ZNF710: variants seen among roughly 807,000 people sequenced by gnomAD.
The protein encoded by ZNF710 is zinc finger protein 710.
In ZNF710, 13 loss-of-function variants were observed where a neutral mutation model predicts 50.6. The ratio of observed to expected loss-of-function variants is 0.26; its 90% CI spans 0.17 to 0.41. The LOEUF is 0.41. Among genes scored for constraint, ZNF710 ranks in the 10% least tolerant of loss-of-function variants. ZNF710 has a pLI of 1.00. For missense variants in ZNF710, 721 were observed against 936.6 expected (o/e 0.77, Z 3.01); for synonymous variants, 383 against 397.0 (o/e 0.96, Z 0.42).
chr15:90,062,132 A>G lies in ZNF710; in HGVS notation c.-28-4978A>G, dbSNP rs1596050528. ...CTCCCGCCTTTGTTTCTTGGCCTCC[A>G]CAGCCTCATTCTCTCTCCCTCCCCC... On this transcript the variant is annotated intron_variant, in intron 1 of 4. Transcript: ENST00000268154. The surrounding 1 kb of genome is among the most constrained non-coding windows in gnomAD (Gnocchi z 5.6). Among the ~76,000 whole-genome samples the G allele has an allele frequency of 9.4e-6, 1 of 106,380 alleles. No individual in the cohort carries two copies. The allele number at this position is 106,380 out of a possible 152,430, so 69.8% of individuals were successfully genotyped here. A position where few individuals can be genotyped will look rare whatever the true frequency, so the allele number is the denominator to read the frequency against.
upstream of ZNF710, among the ~76,000 whole-genome samples, chr15:90,000,067 A>C (rs1897977394): frequency 6.6e-6 from 1 of 150,756 alleles, no homozygotes; most frequent in South Asian, 2.1e-4. Context: ...CCCTGGCTGC[A>C]GCCCCAGTCC....
At chr15:90,073,297 C>T (rs772065088) in intron 3 of ZNF710, 35 bp downstream of exon 3, 10 of 1,595,628 alleles carry the variant, frequency 6.3e-6, no homozygotes, top group Non-Finnish European at 8.6e-6. Flanking sequence ...CTGGGACCTC[C>T]CCGAGGGTGG....
At chr15:90,043,290 G>T (rs900495951) in intron 1 of ZNF710, among the ~76,000 whole-genome samples, 7 of 152,214 alleles carry the variant, frequency 4.6e-5, no homozygotes, top group Admixed American at 3.3e-4. Flanking sequence ...GGAGACCTGC[G>T]GGCACCCAGG....
upstream of ZNF710, among the ~76,000 whole-genome samples, chr15:89,999,690 G>A (rs929182348): frequency 6.6e-6 from 1 of 152,014 alleles, no homozygotes; most frequent in African/African-American, 2.4e-5. Flanking sequence ...GTGGCCTTGG[G>A]GCTCTCGTTT....
At chr15:90,031,303 A>G (rs977485959) in intron 1 of ZNF710, among the ~76,000 whole-genome samples, 8 of 152,208 alleles carry the variant, frequency 5.3e-5, no homozygotes, top group African/African-American at 1.9e-4. Flanking sequence ...CGGGATTGAA[A>G]TGTACCCTGG....
At position 90,059,278 on chromosome 15, in the gene ZNF710, G is replaced by A. The variant is rs76943493; in HGVS notation, c.-28-7832G>A. Among the ~76,000 whole-genome samples the A allele has an allele frequency of 0.011, 1,749 of 152,312 alleles. 33 individuals carry two copies. The highest frequency in any genetic ancestry group is 0.039 in the African/African-American group (1,639 of 41,554). On this transcript the variant is annotated intron_variant, in intron 1 of 4. Coordinates refer to ENST00000268154, the MANE Select transcript of ZNF710 (RefSeq NM_198526.4). This position sits in a 1 kb window ranked among gnomAD's most constrained non-coding sequence, Gnocchi z 4.1. The stretch of plus-strand genomic sequence containing the variant: ...GAGTTGGGGGCAGAGGGGCAGTGGA[G>A]CCTGCCTGGGAGCCATCTTGGGCAG...
chr15:90,032,921 A>C (rs1898992208), intron 1 of ZNF710, among the ~76,000 whole-genome samples: 1 of 152,144 alleles, frequency 6.6e-6, no homozygotes, highest in African/African-American at 2.4e-5. Flanking sequence ...AAAGAAAAAA[A>C]AAGTGTGTGT....
At chr15:90,038,814 G>T (rs114577732) in intron 1 of ZNF710, among the ~76,000 whole-genome samples, 15 of 151,638 alleles carry the variant, frequency 9.9e-5, no homozygotes, top group African/African-American at 3.6e-4. Flanking sequence ...AATATGTTCA[G>T]GTTAAGTTTG....
chr15:90,061,439 T>C (rs1460813189), intron 1 of ZNF710, among the ~76,000 whole-genome samples: 2 of 152,036 alleles, frequency 1.3e-5, no homozygotes, highest in African/African-American at 2.4e-5. Flanking sequence ...CCCAAAGTGC[T>C]GAGATTACTG....
intron 1 of ZNF710, among the ~76,000 whole-genome samples, chr15:90,057,724 A>AATAATAATT (rs1050893653): frequency 6.8e-4 from 102 of 148,964 alleles, no homozygotes; most frequent in African/African-American, 2.4e-3. Context: ...TAATAATAAT[A>AATAATAATT]ATTTGGAGAA....
At chr15:90,069,830 G>A (rs955347557) in intron 2 of ZNF710, among the ~76,000 whole-genome samples, 1 of 151,826 alleles carries the variant, frequency 6.6e-6, no homozygotes, top group Non-Finnish European at 1.5e-5. Flanking sequence ...TCCATTCCCC[G>A]CCTTCAGCCA....
intron 1 of ZNF710, among the ~76,000 whole-genome samples, chr15:90,032,913 A>AG (rs1481435049): frequency 6.6e-6 from 1 of 152,162 alleles, no homozygotes; most frequent in Non-Finnish European, 1.5e-5. Context: ...TTCTAAAAAA[A>AG]GAAAAAAAAA....
chr15:90,062,983 A>G lies in ZNF710; in HGVS notation c.-28-4127A>G, dbSNP rs185367187. On this transcript the variant is annotated intron_variant, in intron 1 of 4. Coordinates refer to ENST00000268154, the MANE Select transcript of ZNF710 (RefSeq NM_198526.4). This position sits in a 1 kb window ranked among gnomAD's most constrained non-coding sequence, Gnocchi z 5.6. Reference sequence around the variant, plus strand: ...AGCCAAGTCTCCAGGCCAGTGTAAAAGAAAGCGTGGGGCCAACTGCCCAGG... The same window carrying G: ...AGCCAAGTCTCCAGGCCAGTGTAAAGGAAAGCGTGGGGCCAACTGCCCAGG... Among the ~76,000 whole-genome samples the G allele has an allele frequency of 5.6e-3, 849 of 152,274 alleles. 7 individuals are homozygous for G. The highest frequency in any genetic ancestry group is 0.019 in the African/African-American group (779 of 41,562).
intron 1 of ZNF710, among the ~76,000 whole-genome samples, chr15:90,003,836 C>T (rs1898074789): frequency 6.6e-6 from 1 of 152,142 alleles, no homozygotes; most frequent in South Asian, 2.1e-4. Flanking sequence ...CAGAGAGGTG[C>T]CCACCTGGTG....
chr15:90,074,964 C>T (rs1596065493), intron 4 of ZNF710: 1 of 171,992 alleles, frequency 5.8e-6, no homozygotes, highest in South Asian at 1.3e-4. Context: ...ACAGCCCTGA[C>T]GTTAAGATCT....
intron 1 of ZNF710, among the ~76,000 whole-genome samples, chr15:90,027,396 G>C (rs1316070805): frequency 3.9e-5 from 6 of 151,996 alleles, no homozygotes; most frequent in Admixed American, 3.9e-4. Context: ...TTTTAGTAGA[G>C]ACGGGGTTTC....
chr15:90,004,173 G>A (rs1204485722), intron 1 of ZNF710, among the ~76,000 whole-genome samples: 1 of 152,192 alleles, frequency 6.6e-6, no homozygotes, highest in Non-Finnish European at 1.5e-5. Flanking sequence ...TAGAGACAAG[G>A]AGACAGACAA....
rs1408829600 is a variant in ZNF710 at position 90,068,360 on chromosome 15, T to C, written c.1223T>C (p.Val408Ala). The C allele has an allele frequency of 6.2e-7, 1 of 1,612,556 alleles. No individual in the cohort carries two copies. The highest frequency in any genetic ancestry group is 2.2e-5 in the East Asian group (1 of 44,860). The change falls in exon 2 of 5, where the codon GTC becomes GCC. Residue 408 changes from valine to alanine, a missense_variant. By Grantham distance (64) the Val-to-Ala change is moderately conservative. Transcript: ENST00000268154. This position sits in a 1 kb window ranked among gnomAD's most constrained non-coding sequence, Gnocchi z 5.0. ...EVKHESGRCH[V>A]CVECGLDFST... ...AAGCATGAGAGTGGCCGCTGCCATG[T>C]CTGCGTCGAGTGCGGCCTGGACTTC...
intron 1 of ZNF710, among the ~76,000 whole-genome samples, chr15:90,019,025 T>C (rs1898533960): frequency 6.6e-6 from 1 of 151,538 alleles, no homozygotes; most frequent in South Asian, 2.1e-4. Context: ...TACAAAGAGG[T>C]TGATGATTAT....
Sources: gnomAD v4.1 joint callset for allele counts (sites outside exome capture counted in the v4.1 genomes callset) on GRCh38, gnomAD v4.1.1 for gene constraint, Gnocchi (gnomAD v3.1) non-coding constraint, MANE v1.5 for transcripts, NCBI Gene and HGNC (gene_info 2026-07-23, HGNC 2026-07-21) for gene names.